MYO9A: variants seen among roughly 807,000 people sequenced by gnomAD.
MYO9A encodes myosin IXA.
In MYO9A, 103 loss-of-function variants were observed where a neutral mutation model predicts 293.3. The observed-to-expected ratio is 0.35, with a 90% confidence interval of 0.30 to 0.41. The LOEUF is 0.41. MYO9A is among the 10% of genes least tolerant of loss of function. The probability of loss-of-function intolerance (pLI) is 1.00; values close to 1 mark genes in which losing one functional copy is unlikely to be tolerated. For synonymous variants in MYO9A, 1,001 were observed against 1,035.7 expected (o/e 0.97, Z 0.64); for missense variants, 2,685 against 3,033.0 (o/e 0.89, Z 2.69).
At chr15:71,846,357 G>C (rs2141170967) in intron 39 of MYO9A, among the ~76,000 whole-genome samples, 1 of 152,266 alleles carries the variant, frequency 6.6e-6, no homozygotes, top group Non-Finnish European at 1.5e-5. Context: ...CATCAGGGGA[G>C]AAAGGGTCAA....
At chr15:71,930,076 T>C (rs2058433006) in intron 18 of MYO9A, among the ~76,000 whole-genome samples, 1 of 152,182 alleles carries the variant, frequency 6.6e-6, no homozygotes, top group African/African-American at 2.4e-5. Flanking sequence ...GGCTAATCTT[T>C]TATGAAAGAA....
chr15:71,913,761 C>A (rs2057928195), intron 19 of MYO9A, among the ~76,000 whole-genome samples: 1 of 152,106 alleles, frequency 6.6e-6, no homozygotes, highest in Non-Finnish European at 1.5e-5. Flanking sequence ...CAGTCTGATT[C>A]TTTTAAGACT....
rs576333189 is a variant in MYO9A, at chr15:71,834,460, C to T, written c.6838-4149G>A. Among the ~76,000 whole-genome samples the T allele has an allele frequency of 1.7e-3, 258 of 152,176 alleles. 1 individual carries two copies. Among genetic ancestry groups the T allele is most frequent in the Non-Finnish European group, 2.6e-3 (179 of 68,002 alleles). On this transcript the variant is annotated intron_variant, in intron 39 of 41. Coordinates refer to ENST00000356056, the MANE Select transcript of MYO9A (RefSeq NM_006901.4). ...GCAGGCGTTAAGTTTGATAACAAAA[C>T]ACAACAAATACATTAAAAAGAAGGA...
At chr15:71,983,930 AT>A (rs1182300624) in intron 11 of MYO9A, among the ~76,000 whole-genome samples, 1 of 152,218 alleles carries the variant, frequency 6.6e-6, no homozygotes, top group Non-Finnish European at 1.5e-5. Flanking sequence ...TGCCTAAACA[AT>A]ATACCTTGGT....
At position 71,927,927 on chromosome 15, in the gene MYO9A, T is replaced by TA. The variant is rs148984000; in HGVS notation, c.2562+5742dup. Among the ~76,000 whole-genome samples the TA allele has an allele frequency of 5.3e-4, 79 of 147,790 alleles. No homozygotes were observed. The East Asian group carries it at 0.015, about 28-fold the overall frequency. On this transcript the variant is annotated intron_variant, in intron 18 of 41. Transcript: ENST00000356056. ...ACCTTTGTTTAAAGTCAACTAACCA[T>TA]AAATGTACGGGTTTACTTCTGAGCT...
intron 13 of MYO9A, among the ~76,000 whole-genome samples, chr15:71,967,565 A>T (rs2075908443): frequency 6.6e-6 from 1 of 152,204 alleles, no homozygotes; most frequent in Non-Finnish European, 1.5e-5. Flanking sequence ...CATTATTAAG[A>T]TTCCACTCCA....
At chr15:72,041,302 T>C in intron 2 of MYO9A, 1 of 838,510 alleles carries the variant, frequency 1.2e-6, no homozygotes, top group Non-Finnish European at 1.9e-6. Context: ...CCTAGTTCAC[T>C]TTCTGGCAGT....
At chr15:71,961,241 A>T (rs1459762831) in intron 13 of MYO9A, among the ~76,000 whole-genome samples, 1 of 152,204 alleles carries the variant, frequency 6.6e-6, no homozygotes, top group Non-Finnish European at 1.5e-5. Context: ...AAGGCAAAAA[A>T]CCTGCTGATT....
intron 1 of MYO9A, among the ~76,000 whole-genome samples, chr15:72,064,700 C>T (rs1404089487): frequency 2.6e-4 from 40 of 152,080 alleles, no homozygotes; most frequent in Admixed American, 2.4e-3. Context: ...ACAAAATATA[C>T]GTAAGGTCGC....
At chr15:71,827,843 C>A (rs764508021) in intron 41 of MYO9A, 41 bp downstream of exon 41, 18 of 1,571,222 alleles carry the variant, frequency 1.1e-5, no homozygotes, top group Non-Finnish European at 8.6e-7. Context: ...TCCTCCTTTG[C>A]AAAACAAATC....
At chr15:71,906,758 CTTTTTT>C (rs71131714) in intron 19 of MYO9A, among the ~76,000 whole-genome samples, 1 of 61,012 alleles carries the variant, frequency 1.6e-5, no homozygotes, top group Non-Finnish European at 3.1e-5. Context: ...CCATTTCTTT[CTTTTTT>C]TTTTTTTTTT....
chr15:72,059,909 C>T (rs1277144092), intron 1 of MYO9A, among the ~76,000 whole-genome samples: 1 of 152,172 alleles, frequency 6.6e-6, no homozygotes, highest in Non-Finnish European at 1.5e-5. Context: ...CTTTTATAGG[C>T]ACCCTGTAGT....
rs530403784 is a variant in MYO9A at position 71,970,584 on chromosome 15, A to G, written c.1845-2459T>C. On this transcript the variant is annotated intron_variant, in intron 12 of 41. Transcript: ENST00000356056. ...AGAAAAAAATATTTCATGCCTTTGC[A>G]TCTTCTGGAATGTTAAAGCACAGAA... Among the ~76,000 whole-genome samples the G allele has an allele frequency of 2.6e-5, 4 of 152,314 alleles. No individual in the cohort carries two copies. The East Asian group carries it at 7.7e-4, about 29-fold the overall frequency.
chr15:72,100,985 C>A (rs1326575499), intron 1 of MYO9A, among the ~76,000 whole-genome samples: 1 of 132,318 alleles, frequency 7.6e-6, no homozygotes, highest in Non-Finnish European at 1.7e-5. Flanking sequence ...GTCAGCCCCC[C>A]GCCTGGCCAG....
chr15:72,108,429 A>T (rs1490861204), intron 1 of MYO9A, among the ~76,000 whole-genome samples: 1 of 152,204 alleles, frequency 6.6e-6, no homozygotes, highest in East Asian at 1.9e-4. Flanking sequence ...TCTAAGAAAC[A>T]ATCAGAAAAC....
At chr15:71,927,466 A>C (rs1161554154) in intron 18 of MYO9A, among the ~76,000 whole-genome samples, 1 of 152,168 alleles carries the variant, frequency 6.6e-6, no homozygotes, top group Non-Finnish European at 1.5e-5. Context: ...CGTATGTTTT[A>C]TTCTACAATT....
intron 3 of MYO9A, 83 bp downstream of exon 3, chr15:72,032,411 G>T: frequency 2.4e-6 from 2 of 837,190 alleles, no homozygotes; most frequent in South Asian, 3.0e-5. Context: ...GTCTGGGAAT[G>T]AACAATACAT....
rs1178795615 is a variant in MYO9A, at chr15:71,862,564, G to A, written c.6027C>T (p.Ile2009=). ...GHIFKATQYS[I]PTYCEYCSSL... is the part of the protein sequence containing the mutation. The stretch of plus-strand genomic sequence containing the variant: ...AAGAACAGTATTCACAGTATGTAGG[G>A]ATGCTATATTGGGTGGCTTTAAAGA... The change falls in exon 33 of 42, where the codon ATC becomes ATT. Residue 2009 remains isoleucine, a synonymous_variant. Coordinates refer to ENST00000356056, the MANE Select transcript of MYO9A (RefSeq NM_006901.4). 6.2e-7 allele frequency: 1 copy of A among 1,613,438 alleles called. No homozygotes were observed. The highest frequency in any genetic ancestry group is 1.7e-4 in the Middle Eastern group (1 of 6,056).
At chr15:72,053,401 G>A (rs986684888) in intron 1 of MYO9A, among the ~76,000 whole-genome samples, 21 of 148,114 alleles carry the variant, frequency 1.4e-4, no homozygotes, top group Middle Eastern at 3.2e-3. Flanking sequence ...GTGAGACTCC[G>A]TCTCAAAGAA....
Sources: gnomAD v4.1 joint callset for allele counts (sites outside exome capture counted in the v4.1 genomes callset) on GRCh38, gnomAD v4.1.1 for gene constraint, MANE v1.5 for transcripts, NCBI Gene and HGNC (gene_info 2026-07-23, HGNC 2026-07-21) for gene names.